The following SNRK variants were observed in gnomAD, a reference collection of about 807,000 sequenced individuals.
The protein encoded by SNRK is SNF related kinase.
SNRK carries 3 observed loss-of-function variants against 48.2 expected under a neutral mutation model. The observed-to-expected ratio is 0.06, with a 90% CI of 0.03 to 0.16. SNRK has a LOEUF of 0.16. SNRK is among the 10% of genes least tolerant of loss of function. The pLI is 1.00. For missense variants in SNRK, 627 were observed against 976.0 expected (o/e 0.64, Z 4.76); for synonymous variants, 376 against 366.1 (o/e 1.03, Z -0.31).
intron 4 of SNRK, 144 bp from the exon 5 acceptor site, chr3:43,340,140 TTTA>T (rs2091224347): frequency 3.0e-6 from 2 of 675,110 alleles, no homozygotes; most frequent in Admixed American, 4.8e-5. Flanking sequence ...GCACTAAATT[TTTA>T]TTATTCCCAT....
At chr3:43,317,875 G>C (rs1315667499) in intron 3 of SNRK, among the ~76,000 whole-genome samples, 1 of 152,168 alleles carries the variant, frequency 6.6e-6, no homozygotes, top group Non-Finnish European at 1.5e-5. Flanking sequence ...TTGTGAAATG[G>C]GGTTCATAGT....
chr3:43,340,334 T>C lies in SNRK; in HGVS notation c.779T>C (p.Leu260Ser), dbSNP rs35624204. The part of the protein sequence containing the change: ...LQRDPKRRAS[L>S]EEIENHPWLQ... ...AGAGATCCCAAGAGAAGGGCTTCTT[T>C]AGAAGAGATTGAAAATCATCCTTGG... is the stretch of plus-strand genomic sequence containing the variant. Residue 260 changes from leucine (L) to serine (S), a missense_variant, in exon 5 of 7, where the codon TTA becomes TCA. Leu to Ser is a moderately radical substitution (Grantham distance 145). Around this residue, in one of 4 missense-constraint regions of SNRK, gnomAD observed 147 missense variants for 356.8 expected, o/e 0.41. Transcript: ENST00000296088. The C allele has an allele frequency of 3.5e-5, 56 of 1,614,062 alleles. No homozygotes were observed. The highest frequency in any genetic ancestry group is 4.6e-5 in the Non-Finnish European group (54 of 1,180,028).
chr3:43,301,126 A>G (rs2090894932), intron 2 of SNRK, among the ~76,000 whole-genome samples: 1 of 152,260 alleles, frequency 6.6e-6, no homozygotes, highest in Non-Finnish European at 1.5e-5. Flanking sequence ...AGTGCTATTT[A>G]TTATTACAAT....
rs1414857967 is a variant in SNRK at position 43,349,154 on chromosome 3, A to G, written c.*597A>G. The G allele has an allele frequency of 2.0e-5, 3 of 152,686 alleles. No homozygotes were observed. The highest frequency in any genetic ancestry group is 4.4e-5 in the Non-Finnish European group (3 of 68,048). 9.5% of individuals were successfully genotyped at this position (152,686 alleles called of 1,614,324 possible). ...ACCTGTTTGTCTTAAGCTATAGTGTAAAAACAAAGTTTGGGCTCTGAAAAT... is the reference window on the plus strand; with the variant it reads ...ACCTGTTTGTCTTAAGCTATAGTGTGAAAACAAAGTTTGGGCTCTGAAAAT... On this transcript the variant is annotated 3_prime_UTR_variant, in exon 7 of 7. Transcript: ENST00000296088.
chr3:43,338,868 A>G (rs2091211280), intron 4 of SNRK, among the ~76,000 whole-genome samples: 2 of 152,166 alleles, frequency 1.3e-5, no homozygotes, highest in Non-Finnish European at 2.9e-5. Context: ...ATAAAGTATC[A>G]TCTTTAGTTC....
chr3:43,342,744 G>T (rs967808806), intron 5 of SNRK, among the ~76,000 whole-genome samples: 3 of 152,218 alleles, frequency 2.0e-5, no homozygotes, highest in African/African-American at 7.2e-5. Context: ...TGTCTAGCCA[G>T]ACTAGGTACT....
At position 43,297,468 on chromosome 3, in the gene SNRK, AT is replaced by A. The variant is rs1434355844; in HGVS notation, c.-168-2280del. Among the ~76,000 whole-genome samples the A allele has an allele frequency of 3.9e-5, 6 of 152,038 alleles. No individual in the cohort carries two copies. The East Asian group carries it at 1.2e-3, about 29-fold the overall frequency. On this transcript the variant is annotated intron_variant, in intron 1 of 6. Coordinates refer to ENST00000296088, the MANE Select transcript of SNRK (RefSeq NM_017719.5). ...AGCCCGTAAGTATTATCCCCATTTT[AT>A]TTTTTAAAATTGTGTCTGGCCATAT... is the stretch of plus-strand genomic sequence containing the variant.
chr3:43,328,915 A>C (rs971964991), intron 3 of SNRK, among the ~76,000 whole-genome samples: 1 of 152,210 alleles, frequency 6.6e-6, no homozygotes, highest in Non-Finnish European at 1.5e-5. Context: ...CCACAGATGA[A>C]GCAGGGCAGG....
At chr3:43,329,306 C>CGGGT (rs1235923211) in intron 3 of SNRK, among the ~76,000 whole-genome samples, 1 of 151,918 alleles carries the variant, frequency 6.6e-6, no homozygotes, top group East Asian at 1.9e-4. Flanking sequence ...GGTGTGGTGG[C>CGGGT]GGGTGCCTGT....
intron 1 of SNRK, chr3:43,289,880 C>CA (rs2090797107): frequency 6.6e-6 from 1 of 152,654 alleles, no homozygotes; most frequent in African/African-American, 2.4e-5. Flanking sequence ...TCAAAAGTTA[C>CA]TTCAGACTCA....
At chr3:43,322,088 C>A (rs1473469271) in intron 3 of SNRK, among the ~76,000 whole-genome samples, 1 of 152,218 alleles carries the variant, frequency 6.6e-6, no homozygotes, top group African/African-American at 2.4e-5. Context: ...GAGACTGATG[C>A]CCCCAGGGGC....
At chr3:43,312,913 G>A (rs966220625) in intron 3 of SNRK, among the ~76,000 whole-genome samples, 3 of 152,066 alleles carry the variant, frequency 2.0e-5, no homozygotes, top group Non-Finnish European at 4.4e-5. Flanking sequence ...CAAAGAAGGC[G>A]TAAATAAATG....
chr3:43,313,514 C>T (rs554911370), intron 3 of SNRK, among the ~76,000 whole-genome samples: 1 of 152,130 alleles, frequency 6.6e-6, no homozygotes, highest in Non-Finnish European at 1.5e-5. Flanking sequence ...AAATGGAGAA[C>T]AGATTGGTGG....
intron 1 of SNRK, among the ~76,000 whole-genome samples, chr3:43,291,099 C>T (rs915426810): frequency 6.6e-6 from 1 of 152,104 alleles, no homozygotes; most frequent in Non-Finnish European, 1.5e-5. Context: ...TGGGTAAGGG[C>T]TAGCCTAGAC....
At chr3:43,322,951 C>CAAAAAAAAAAAAAAACAAAAAAAAAAA (rs55847039) in intron 3 of SNRK, among the ~76,000 whole-genome samples, 1 of 72,656 alleles carries the variant, frequency 1.4e-5, no homozygotes, top group Non-Finnish European at 2.3e-5. Context: ...GACTCCGTCT[C>CAAAAAAAAAAAAAAACAAAAAAAAAAA]AAAAAAAAAA....
intron 3 of SNRK, among the ~76,000 whole-genome samples, chr3:43,314,713 CG>C (rs1310879355): frequency 1.3e-5 from 2 of 151,996 alleles, no homozygotes; most frequent in African/African-American, 4.8e-5. Flanking sequence ...CTAAGTAAGC[CG>C]TAAAACCTTT....
chr3:43,321,562 C>T (rs528886060), intron 3 of SNRK, among the ~76,000 whole-genome samples: 3 of 152,170 alleles, frequency 2.0e-5, no homozygotes, highest in African/African-American at 2.4e-5. Flanking sequence ...GTTAATTTTA[C>T]GTATAATTCT....
At chr3:43,315,965 A>G (rs921423946) in intron 3 of SNRK, among the ~76,000 whole-genome samples, 3 of 152,226 alleles carry the variant, frequency 2.0e-5, no homozygotes, top group Non-Finnish European at 4.4e-5. Flanking sequence ...TCACACGCCT[A>G]TAAGAAACAA....
Position 43,347,233 on chromosome 3 carries a change from C to T in SNRK, c.1080-106C>T. On this transcript the variant is annotated intron_variant, in intron 6 of 6. Coordinates refer to ENST00000296088, the MANE Select transcript of SNRK (RefSeq NM_017719.5). This position sits in a 1 kb window ranked among gnomAD's most constrained non-coding sequence, Gnocchi z 5.4. The stretch of plus-strand genomic sequence containing the variant: ...GGGTTTGCAAGGCTGCTGCTTTTTT[C>T]TTTAAGTCTGTAGATTTTGTCCCAG... The T allele has an allele frequency of 1.6e-6, 2 of 1,244,710 alleles. No individual in the cohort carries two copies. The highest frequency in any genetic ancestry group is 1.1e-6 in the Non-Finnish European group (1 of 919,460). The allele number at this position is 1,244,710 out of a possible 1,614,324, so 77.1% of individuals were successfully genotyped here. A position where few individuals can be genotyped will look rare whatever the true frequency, so the allele number is the denominator to read the frequency against.
Sources: allele counts gnomAD v4.1 joint callset (sites outside exome capture counted in the v4.1 genomes callset), GRCh38; gene constraint gnomAD v4.1.1; regional missense constraint gnomAD v4.1.1; non-coding constraint Gnocchi (gnomAD v3.1); transcripts MANE v1.5; gene names NCBI Gene and HGNC (gene_info 2026-07-23, HGNC 2026-07-21).